HS6ST3: variants seen among roughly 807,000 people sequenced by gnomAD.
The protein encoded by HS6ST3 is heparan-sulfate 6-O-sulfotransferase 3.
HS6ST3 carries 12 observed loss-of-function variants against 36.7 expected under a neutral mutation model. The ratio of observed to expected loss-of-function variants is 0.33; its 90% CI spans 0.21 to 0.53. The LOEUF (loss-of-function observed/expected upper bound fraction) is 0.53. HS6ST3 is among the 20% of genes least tolerant of loss of function. HS6ST3 has a pLI of 0.95. For missense variants in HS6ST3, 584 were observed against 640.9 expected (o/e 0.91, Z 0.96); for synonymous variants, 240 against 257.5 (o/e 0.93, Z 0.65).
intron 1 of HS6ST3, among the ~76,000 whole-genome samples, chr13:96,653,532 C>T (rs778806952): frequency 5.3e-5 from 8 of 152,164 alleles, no homozygotes; most frequent in Non-Finnish European, 1.0e-4. Context: ...CTGCAAAGGA[C>T]ATGAACTCAT....
At chr13:96,797,041 A>C (rs1041568955) in intron 1 of HS6ST3, among the ~76,000 whole-genome samples, 39 of 152,034 alleles carry the variant, frequency 2.6e-4, no homozygotes, top group African/African-American at 8.5e-4. Context: ...GTTCGAAAAA[A>C]TCCATTTATG....
chr13:96,093,537 A>G (rs1383018403), intron 1 of HS6ST3, among the ~76,000 whole-genome samples: 1 of 150,888 alleles, frequency 6.6e-6, no homozygotes, highest in Non-Finnish European at 1.5e-5. Context: ...ACAGGTTAGC[A>G]GGCAATTAGT....
intron 1 of HS6ST3, among the ~76,000 whole-genome samples, chr13:96,601,798 T>C (rs2056422603): frequency 6.6e-6 from 1 of 152,202 alleles, no homozygotes; most frequent in African/African-American, 2.4e-5. Context: ...AAAATTCCTT[T>C]TGAGGATGTG....
intron 1 of HS6ST3, among the ~76,000 whole-genome samples, chr13:96,337,311 G>A (rs1007163405): frequency 1.3e-5 from 2 of 152,096 alleles, no homozygotes; most frequent in African/African-American, 2.4e-5. Flanking sequence ...TCCTGACCTC[G>A]TGATCCGCCT....
In HS6ST3 at chr13:96,209,771, C is replaced by T. The variant is rs113884096; in HGVS notation, c.707+118202C>T. ...CTGTTAGCCATCCTTATACATAGCA[C>T]GGCTTCTGTCTCCTTGGTGTTCAGA... On this transcript the variant is annotated intron_variant, in intron 1 of 1. Coordinates refer to ENST00000376705, the MANE Select transcript of HS6ST3 (RefSeq NM_153456.4). Among the ~76,000 whole-genome samples, 600 of 152,232 alleles carry T rather than the reference C, an allele frequency of 3.9e-3. 3 individuals are homozygous for T. Among genetic ancestry groups the T allele is most frequent in the Admixed American group, 6.9e-3 (106 of 15,290 alleles).
chr13:96,769,949 T>C (rs556248232), intron 1 of HS6ST3, among the ~76,000 whole-genome samples: 1 of 152,326 alleles, frequency 6.6e-6, no homozygotes, highest in South Asian at 2.1e-4. Flanking sequence ...TTAATGCCTC[T>C]ACACATGGAC....
chr13:96,499,368 T>G (rs1038520613), intron 1 of HS6ST3, among the ~76,000 whole-genome samples: 1 of 152,112 alleles, frequency 6.6e-6, no homozygotes, highest in Non-Finnish European at 1.5e-5. Context: ...GAGCACATAG[T>G]ACATATCAGG....
intron 1 of HS6ST3, among the ~76,000 whole-genome samples, chr13:96,520,371 G>GT (rs879719296): frequency 6.2e-4 from 94 of 152,210 alleles, no homozygotes; most frequent in Admixed American, 7.2e-4. Flanking sequence ...GTTTAAAATA[G>GT]TTTTTTCCAA....
chr13:96,624,528 A>G (rs954725657), intron 1 of HS6ST3, among the ~76,000 whole-genome samples: 5 of 152,132 alleles, frequency 3.3e-5, no homozygotes, highest in Non-Finnish European at 5.9e-5. Context: ...GCTTTAGGGT[A>G]TGATTGGACT....
chr13:96,385,779 G>C (rs9516674), intron 1 of HS6ST3, among the ~76,000 whole-genome samples: 51,471 of 152,018 alleles, frequency 0.34, 9,417 homozygotes, highest in Non-Finnish European at 0.42. Flanking sequence ...TGAGTGCTTA[G>C]TATTTTAGGT....
intron 1 of HS6ST3, among the ~76,000 whole-genome samples, chr13:96,154,894 T>A (rs937032240): frequency 7.9e-5 from 12 of 152,144 alleles, no homozygotes; most frequent in African/African-American, 2.9e-4. Flanking sequence ...ACATAAATAT[T>A]TATACCTGTA....
intron 1 of HS6ST3, among the ~76,000 whole-genome samples, chr13:96,154,724 A>G (rs2054102598): frequency 6.6e-6 from 1 of 152,280 alleles, no homozygotes; most frequent in East Asian, 1.9e-4. Flanking sequence ...AAATTAACAC[A>G]ATGAAGTATG....
chr13:96,107,845 T>C (rs769413296), intron 1 of HS6ST3, among the ~76,000 whole-genome samples: 4 of 152,232 alleles, frequency 2.6e-5, no homozygotes, highest in Non-Finnish European at 4.4e-5. Flanking sequence ...TAATTTCCTA[T>C]GCCTGTCTTT....
In HS6ST3 at chr13:96,682,385, C is replaced by G. The variant is rs74107107; in HGVS notation, c.708-150105C>G. On this transcript the variant is annotated intron_variant, in intron 1 of 1. Transcript: ENST00000376705. The stretch of plus-strand genomic sequence containing the variant: ...CCTCCTGAAGCTAAATGTTTTATTC[C>G]TCATCCATGTTTAGTTCATCTTTTG... Among the ~76,000 whole-genome samples, 1,276 of 152,156 alleles carry G rather than the reference C, an allele frequency of 8.4e-3. 20 individuals are homozygous for G. Among genetic ancestry groups the G allele is most frequent in the African/African-American group, 0.029 (1,186 of 41,522 alleles).
chr13:96,137,456 CAG>C (rs199755597), intron 1 of HS6ST3, among the ~76,000 whole-genome samples: 3,004 of 134,734 alleles, frequency 0.022, 86 homozygotes, highest in African/African-American at 0.076. Context: ...TTTTTTGAGA[CAG>C]AGTCTCGCTC....
intron 1 of HS6ST3, among the ~76,000 whole-genome samples, chr13:96,143,930 T>A (rs2054043931): frequency 6.6e-6 from 1 of 152,182 alleles, no homozygotes; most frequent in South Asian, 2.1e-4. Context: ...CCAAAAGCTG[T>A]TAGTTAAAAT....
intron 1 of HS6ST3, among the ~76,000 whole-genome samples, chr13:96,319,255 T>TCAC (rs1487408219): frequency 1.3e-5 from 2 of 152,216 alleles, no homozygotes; most frequent in African/African-American, 2.4e-5. Flanking sequence ...CTTTAACTTA[T>TCAC]CACAATATTT....
At chr13:96,719,273 CAA>C (rs5805989) in intron 1 of HS6ST3, among the ~76,000 whole-genome samples, 1 of 109,608 alleles carries the variant, frequency 9.1e-6, no homozygotes. Flanking sequence ...GACTATGTCT[CAA>C]AAAAAAAAAA....
chr13:96,332,687 G>T (rs946428661), intron 1 of HS6ST3, among the ~76,000 whole-genome samples: 1 of 152,220 alleles, frequency 6.6e-6, no homozygotes, highest in Non-Finnish European at 1.5e-5. Flanking sequence ...CGAAGGGATT[G>T]CAACGAAACA....
Sources: gnomAD v4.1 joint callset for allele counts (sites outside exome capture counted in the v4.1 genomes callset) on GRCh38, gnomAD v4.1.1 for gene constraint, MANE v1.5 for transcripts, NCBI Gene and HGNC (gene_info 2026-07-23, HGNC 2026-07-21) for gene names.